The following EPHB6 variants were observed in gnomAD, a reference collection of about 807,000 sequenced individuals.
The protein encoded by EPHB6 is EPH receptor B6, also known as ephrin type-B receptor 6.
In EPHB6, 51 loss-of-function variants were observed where a neutral mutation model predicts 107.0. The observed-to-expected ratio is 0.48, with a 90% CI of 0.38 to 0.60. The LOEUF (loss-of-function observed/expected upper bound fraction) is 0.60, where lower values mean the gene tolerates loss of function less well. Ranked by LOEUF, EPHB6 falls within the 20% of genes least tolerant of loss-of-function variation. The probability of loss-of-function intolerance (pLI) is 0.00; values close to 1 mark genes in which losing one functional copy is unlikely to be tolerated. For missense variants in EPHB6, 1,141 were observed against 1,355.5 expected, an observed-to-expected ratio of 0.84 and a Z score of 2.48; for synonymous variants, 553 against 549.0, an observed-to-expected ratio of 1.01 and a Z score of -0.10.
Position 142,866,271 on chromosome 7 carries a change from G to A in EPHB6, c.1417G>A (p.Asp473Asn), listed in dbSNP as rs760775468. ...TAATGGGGTGTCTGAGCTCAGCCCT[G>A]ACCCTCCTCAGGCTGCAGCCATCAA... ...AVNGVSELSP[D>N]PPQAAAINVS... Residue 473 changes from aspartate to asparagine, a missense_variant, in exon 9 of 20, where the codon GAC (aspartate) becomes AAC (asparagine). By Grantham distance (23) the Asp-to-Asn change is conservative. Coordinates refer to ENST00000652003, the MANE Select transcript of EPHB6 (RefSeq NM_004445.6). This position sits in a 1 kb window ranked among gnomAD's most constrained non-coding sequence, Gnocchi z 5.2. The A allele has an allele frequency of 3.7e-6, 6 of 1,613,914 alleles. No homozygotes were observed. The South Asian group carries it at 4.4e-5, about 12-fold the overall frequency.
At position 142,865,982 on chromosome 7, in the gene EPHB6, G is replaced by A; in HGVS notation, c.1128G>A (p.Glu376=). 1.2e-6 allele frequency: 2 copies of A among 1,613,966 alleles called. No homozygotes were observed. The highest frequency in any genetic ancestry group is 1.7e-6 in the Non-Finnish European group (2 of 1,180,020). The change falls in exon 9 of 20, where the codon GAG becomes GAA. Residue 376 remains glutamate, a synonymous_variant. Transcript: ENST00000652003. ...PCTGPPSAPQ[E]LWFEVQGSAL... Reference sequence around the variant, plus strand: ...CAGGTCCTCCATCGGCTCCCCAGGAGCTTTGGTTTGAGGTGCAAGGCTCAG... The same window carrying A: ...CAGGTCCTCCATCGGCTCCCCAGGAACTTTGGTTTGAGGTGCAAGGCTCAG...
rs1671231044 is a variant in EPHB6 at position 142,867,042 on chromosome 7, A to G, written c.1724A>G (p.Lys575Arg). 1 of 1,613,786 alleles carries G rather than the reference A, an allele frequency of 6.2e-7. No individual in the cohort carries two copies. Among genetic ancestry groups the G allele is most frequent in the Admixed American group, 1.7e-5 (1 of 59,988 alleles). ...TAAGHGPYGG[K>R]VYFQTLPQGE... ...GCCGGCCACGGCCCCTACGGGGGCAAAGTCTATTTCCAGACACTTCCTCAA... is the reference window on the plus strand; with the variant it reads ...GCCGGCCACGGCCCCTACGGGGGCAGAGTCTATTTCCAGACACTTCCTCAA... The change falls in exon 11 of 20, where the codon AAA (lysine) becomes AGA (arginine). Residue 575 changes from lysine to arginine, a missense_variant. Transcript: ENST00000652003. The surrounding 1 kb of genome is among the most constrained non-coding windows in gnomAD (Gnocchi z 5.3).
chr7:142,861,749 A>T (rs1802851647), intron 2 of EPHB6, among the ~76,000 whole-genome samples: 1 of 152,250 alleles, frequency 6.6e-6, no homozygotes, highest in Admixed American at 6.5e-5. Flanking sequence ...TTTGCAATTA[A>T]TGTCTTTGTT....
In EPHB6 at chr7:142,868,171, G is replaced by A. The variant is rs1391305801; in HGVS notation, c.1919-70G>A. 1 of 1,613,964 alleles carries A rather than the reference G, an allele frequency of 6.2e-7. No homozygotes were observed. Among genetic ancestry groups the A allele is most frequent in the Admixed American group, 1.7e-5 (1 of 60,024 alleles). ...TGGCACAACCTTCTGGAGGTAAGTGGGCATGTCTGGGGTGCGCGGGCAGCC... is the reference window on the plus strand; with the variant it reads ...TGGCACAACCTTCTGGAGGTAAGTGAGCATGTCTGGGGTGCGCGGGCAGCC... On this transcript the variant is annotated intron_variant, in intron 13 of 19. Transcript: ENST00000652003. This position sits in a 1 kb window ranked among gnomAD's most constrained non-coding sequence, Gnocchi z 4.2.
In EPHB6 at chr7:142,864,302, TC is replaced by T; in HGVS notation, c.504del (p.Ser169ProfsTer27). 1 of 1,599,744 alleles carries T rather than the reference TC, an allele frequency of 6.3e-7. No individual in the cohort carries two copies. The highest frequency in any genetic ancestry group is 8.6e-7 in the Non-Finnish European group (1 of 1,169,368). On this transcript the variant is annotated frameshift_variant, in exon 7 of 20. Coordinates refer to ENST00000652003, the MANE Select transcript of EPHB6 (RefSeq NM_004445.6). LOFTEE classifies it high-confidence loss of function. ...AGCAGACGAGAGCTTTCCCTCCTCC[TC>T]CTCCTCCTCCTCCTCCTCTTCTTCC... ...IAADESFPSS[S>X]SSSSSSSSSA... is the part of the protein sequence containing the mutation.
chr7:142,868,784 A>G lies in EPHB6; in HGVS notation c.2286+45A>G, dbSNP rs199729595. 1.9e-6 allele frequency: 3 copies of G among 1,613,324 alleles called. No individual in the cohort carries two copies. The highest frequency in any genetic ancestry group is 2.2e-5 in the South Asian group (2 of 91,066). ...AGGAGGAGGGTCCTTGGGTCCAGGA[A>G]AGCTTCCAGGAGACGAGGTCCTGTA... On this transcript the variant is annotated intron_variant, in intron 15 of 19. Transcript: ENST00000652003. This position sits in a 1 kb window ranked among gnomAD's most constrained non-coding sequence, Gnocchi z 4.2.
chr7:142,856,383 A>G (rs8177107), intron 1 of EPHB6, among the ~76,000 whole-genome samples: 19,834 of 152,194 alleles, frequency 0.13, 1,633 homozygotes, highest in Middle Eastern at 0.19. Context: ...GGGGGTGTCT[A>G]TGTACTTACC....
rs1405309073 is a variant in EPHB6 at position 142,869,168 on chromosome 7, A to T, written c.2460+21A>T. 12 of 1,608,420 alleles carry T rather than the reference A, an allele frequency of 7.5e-6. No individual in the cohort carries two copies. The highest frequency in any genetic ancestry group is 1.7e-5 in the Admixed American group (1 of 59,908). The stretch of plus-strand genomic sequence containing the variant: ...CTCAGGTGAGAGCACAGCCTTGGGG[A>T]CACAGCCTGGGGCCTTGTGGCATGC... On this transcript the variant is annotated intron_variant, in intron 16 of 19. Coordinates refer to ENST00000652003, the MANE Select transcript of EPHB6 (RefSeq NM_004445.6). The surrounding 1 kb of genome is among the most constrained non-coding windows in gnomAD (Gnocchi z 4.5).
At position 142,869,471 on chromosome 7, in the gene EPHB6, T is replaced by C. The variant is rs1323604388; in HGVS notation, c.2460+324T>C. ...GGTACAAATTCTTAACACTCTGCTC[T>C]CCAGCTCTGTGACCTTGGACAAGTT... On this transcript the variant is annotated intron_variant, in intron 16 of 19. Coordinates refer to ENST00000652003, the MANE Select transcript of EPHB6 (RefSeq NM_004445.6). This position sits in a 1 kb window ranked among gnomAD's most constrained non-coding sequence, Gnocchi z 4.5. Among the ~76,000 whole-genome samples, 1 of 152,216 alleles carries C rather than the reference T, an allele frequency of 6.6e-6. No homozygotes were observed. The highest frequency in any genetic ancestry group is 1.5e-5 in the Non-Finnish European group (1 of 68,036).
At position 142,866,625 on chromosome 7, in the gene EPHB6, G is replaced by T. The variant is rs1794616901; in HGVS notation, c.1587+20G>T. Reference sequence around the variant, plus strand: ...GACCAGGTGCGCAGGAGGAGTGGGGGTTCCGCAGTAGGGCTGGTAGGAGCT... The same window carrying T: ...GACCAGGTGCGCAGGAGGAGTGGGGTTTCCGCAGTAGGGCTGGTAGGAGCT... On this transcript the variant is annotated intron_variant, in intron 10 of 19. Coordinates refer to ENST00000652003, the MANE Select transcript of EPHB6 (RefSeq NM_004445.6). This position sits in a 1 kb window ranked among gnomAD's most constrained non-coding sequence, Gnocchi z 5.2. 6 of 1,613,724 alleles carry T rather than the reference G, an allele frequency of 3.7e-6. No homozygotes were observed. The Admixed American group carries it at 6.7e-5, about 18-fold the overall frequency.
Position 142,864,550 on chromosome 7 carries a change from G to T in EPHB6, c.750G>T (p.Gly250=). ...CCTTTCCAGAGACGCAGGCCAGTGG[G>T]GCTGGGGGGGCCTCCCTGGTGGCAG... ...FASFPETQAS[G]AGGASLVAAV... The change falls in exon 7 of 20, where the codon GGG becomes GGT. Residue 250 remains glycine (G), a synonymous_variant. Coordinates refer to ENST00000652003, the MANE Select transcript of EPHB6 (RefSeq NM_004445.6). The T allele has an allele frequency of 6.2e-7, 1 of 1,613,300 alleles. No homozygotes were observed. Among genetic ancestry groups the T allele is most frequent in the Non-Finnish European group, 8.5e-7 (1 of 1,179,924 alleles).
In EPHB6 at chr7:142,861,036, T is replaced by C. The variant is rs148872636; in HGVS notation, c.-431-16T>C. 130 of 152,168 alleles carry C rather than the reference T, an allele frequency of 8.5e-4. No individual in the cohort carries two copies. Among genetic ancestry groups the C allele is most frequent in the African/African-American group, 2.7e-3 (111 of 41,512 alleles). 9.4% of individuals were successfully genotyped at this position (152,168 alleles called of 1,614,324 possible). A position where few individuals can be genotyped will look rare whatever the true frequency, so the allele number is the denominator to read the frequency against. On this transcript the variant is annotated splice_polypyrimidine_tract_variant and intron_variant, in intron 1 of 19. Transcript: ENST00000652003. Reference sequence around the variant, plus strand: ...TTGAGCAATCTGGGCAACATGTCTCTTTTTTTTCTTCACAGAAATAAAGGG... The same window carrying C: ...TTGAGCAATCTGGGCAACATGTCTCCTTTTTTTCTTCACAGAAATAAAGGG...
intron 5 of EPHB6, 67 bp from the exon 6 acceptor site, chr7:142,863,564 A>G: frequency 1.3e-6 from 2 of 1,562,346 alleles, no homozygotes; most frequent in Non-Finnish European, 1.8e-6. Flanking sequence ...CGCGGTGGGA[A>G]TAGAGTAGGG....
In EPHB6 at chr7:142,869,760, C is replaced by A; in HGVS notation, c.2461-57C>A. ...CATATCTGAGCACATAGTAGTTGCT[C>A]AATAAACGTGACTATTACTATGATT... On this transcript the variant is annotated intron_variant, in intron 16 of 19. Transcript: ENST00000652003. The surrounding 1 kb of genome is among the most constrained non-coding windows in gnomAD (Gnocchi z 4.5). 6.3e-7 allele frequency: 1 copy of A among 1,598,400 alleles called. No individual in the cohort carries two copies. Among genetic ancestry groups the A allele is most frequent in the South Asian group, 1.1e-5 (1 of 89,426 alleles).
chr7:142,866,591 C>T lies in EPHB6; in HGVS notation c.1573C>T (p.Arg525Cys), dbSNP rs760385897. The T allele has an allele frequency of 1.1e-5, 17 of 1,613,948 alleles. No homozygotes were observed. The highest frequency in any genetic ancestry group is 6.7e-5 in the East Asian group (3 of 44,898). Residue 525 changes from arginine (R) to cysteine (C), a missense_variant, in exon 10 of 20, where the codon CGC becomes TGC. Physicochemically the swap from Arg to Cys is radical, Grantham distance 180 (BLOSUM62 -3). Around this residue, in one of 3 missense-constraint regions of EPHB6, gnomAD observed 616 missense variants for 759.3 expected, o/e 0.81. Coordinates refer to ENST00000652003, the MANE Select transcript of EPHB6 (RefSeq NM_004445.6). This position sits in a 1 kb window ranked among gnomAD's most constrained non-coding sequence, Gnocchi z 5.2. ...TNGNILDYQL[R>C]YYDQAEDESH... ...TGGGAACATCCTGGACTATCAGCTCCGCTACTATGACCAGGTGCGCAGGAG... is the reference window on the plus strand; with the variant it reads ...TGGGAACATCCTGGACTATCAGCTCTGCTACTATGACCAGGTGCGCAGGAG...
At position 142,865,378 on chromosome 7, in the gene EPHB6, A is replaced by G. The variant is rs890156409; in HGVS notation, c.950-97A>G. 7 of 1,506,368 alleles carry G rather than the reference A, an allele frequency of 4.6e-6. No individual in the cohort carries two copies. In the African/African-American group the frequency reaches 6.9e-5, roughly 15 times the overall value. The allele number at this position is 1,506,368 out of a possible 1,614,324, so 93.3% of individuals were successfully genotyped here. A position where few individuals can be genotyped will look rare whatever the true frequency, so the allele number is the denominator to read the frequency against. On this transcript the variant is annotated intron_variant, in intron 7 of 19. Transcript: ENST00000652003. The stretch of plus-strand genomic sequence containing the variant: ...AGAAAAGGAGAACCAGCTCTGGGGA[A>G]GAGAAGGCTGCGAGGATACCTGCCT...
At position 142,868,646 on chromosome 7, in the gene EPHB6, C is replaced by T; in HGVS notation, c.2193C>T (p.Asn731=). 1 of 1,613,952 alleles carries T rather than the reference C, an allele frequency of 6.2e-7. No individual in the cohort carries two copies. Among genetic ancestry groups the T allele is most frequent in the South Asian group, 1.1e-5 (1 of 91,086 alleles). Residue 731 remains asparagine (N), a synonymous_variant, in exon 15 of 20, where the codon AAC becomes AAT. Transcript: ENST00000652003. This position sits in a 1 kb window ranked among gnomAD's most constrained non-coding sequence, Gnocchi z 4.2. ...AAVLGQFQHP[N]ILRLEGVVTK... is the part of the protein sequence containing the mutation. ...TGCTGGGTCAGTTCCAGCACCCCAA[C>T]ATCCTGCGGCTGGAGGGCGTGGTCA...
Position 142,867,733 on chromosome 7 carries a change from A to C in EPHB6, c.1865+11A>C, listed in dbSNP as rs777312865. On this transcript the variant is annotated intron_variant, in intron 12 of 19. Coordinates refer to ENST00000652003, the MANE Select transcript of EPHB6 (RefSeq NM_004445.6). This position sits in a 1 kb window ranked among gnomAD's most constrained non-coding sequence, Gnocchi z 5.3. ...GGTCGTCTTCCAGCGGTGAGTCCCC[A>C]CCCCTGCCCAACTCTGCCCAGCACC... The C allele has an allele frequency of 6.2e-7, 1 of 1,601,574 alleles. No homozygotes were observed. The highest frequency in any genetic ancestry group is 1.3e-5 in the African/African-American group (1 of 74,720).
chr7:142,856,164 C>A (rs1278099847), intron 1 of EPHB6, among the ~76,000 whole-genome samples: 2 of 152,190 alleles, frequency 1.3e-5, no homozygotes, highest in Non-Finnish European at 2.9e-5. Flanking sequence ...GCCCTCCGCC[C>A]GCCAGGGGAA....
Sources: allele counts gnomAD v4.1 joint callset (sites outside exome capture counted in the v4.1 genomes callset), GRCh38; gene constraint gnomAD v4.1.1; regional missense constraint gnomAD v4.1.1; non-coding constraint Gnocchi (gnomAD v3.1); transcripts MANE v1.5; gene names NCBI Gene and HGNC (gene_info 2026-07-23, HGNC 2026-07-21).